Variants in CACNA2D1 observed in about 807,000 individuals in gnomAD.
The protein encoded by CACNA2D1 is calcium voltage-gated channel auxiliary subunit alpha2delta 1.
CACNA2D1 carries 53 observed loss-of-function variants against 171.5 expected under a neutral mutation model. That is an observed-to-expected ratio of 0.31 (90% CI 0.25 to 0.39). The LOEUF is 0.39. CACNA2D1 is among the 10% of genes least tolerant of loss of function. The pLI is 1.00. For missense variants in CACNA2D1, 903 were observed against 1,299.8 expected, an observed-to-expected ratio of 0.69 and a Z score of 4.69; for synonymous variants, 442 against 443.1, an observed-to-expected ratio of 1.00 and a Z score of 0.03.
chr7:82,179,217 T>TCTAAAATTTTAGAA (rs1796868465), intron 3 of CACNA2D1, among the ~76,000 whole-genome samples: 1 of 152,000 alleles, frequency 6.6e-6, no homozygotes, highest in Non-Finnish European at 1.5e-5. Context: ...GAATTTTAGA[T>TCTAAAATTTTAGAA]TCTAAAATTC....
At chr7:82,434,058 T>C (rs1829923567) in intron 1 of CACNA2D1, among the ~76,000 whole-genome samples, 1 of 152,164 alleles carries the variant, frequency 6.6e-6, no homozygotes, top group Non-Finnish European at 1.5e-5. Flanking sequence ...CTCGCAACCA[T>C]TCAACACCAT....
At chr7:82,311,852 T>C (rs1380457180) in intron 3 of CACNA2D1, among the ~76,000 whole-genome samples, 1 of 152,166 alleles carries the variant, frequency 6.6e-6, no homozygotes, top group Non-Finnish European at 1.5e-5. Context: ...GGAAAAAGAC[T>C]GGCCCAGGTA....
At chr7:82,144,510 G>T (rs1001685410) in intron 4 of CACNA2D1, among the ~76,000 whole-genome samples, 1 of 151,542 alleles carries the variant, frequency 6.6e-6, no homozygotes, top group Non-Finnish European at 1.5e-5. Context: ...AGAATTTGTG[G>T]AATAAAAACT....
intron 22 of CACNA2D1, 90 bp from the exon 23 acceptor site, chr7:81,983,424 A>T (rs1796640180): frequency 1.1e-6 from 1 of 938,220 alleles, no homozygotes; most frequent in Admixed American, 2.0e-5. Context: ...TTATTCAATG[A>T]CTTTCTTGAA....
At chr7:81,953,678 A>G (rs1792870149) in intron 38 of CACNA2D1, among the ~76,000 whole-genome samples, 1 of 152,194 alleles carries the variant, frequency 6.6e-6, no homozygotes, top group Admixed American at 6.5e-5. Context: ...TGGACTGGTT[A>G]GAAACACTAT....
intron 1 of CACNA2D1, among the ~76,000 whole-genome samples, chr7:82,426,113 A>G (rs112230975): frequency 3.8e-3 from 579 of 150,790 alleles, no homozygotes; most frequent in Non-Finnish European, 4.9e-3. Flanking sequence ...CCTGGGTGAC[A>G]GAGCGAGACT....
At position 82,443,461 on chromosome 7, in the gene CACNA2D1, T is replaced by C; in HGVS notation, c.-2A>G. On this transcript the variant is annotated 5_prime_UTR_variant, in exon 1 of 39. Coordinates refer to ENST00000356860, the MANE Select transcript of CACNA2D1 (RefSeq NM_000722.4). Reference sequence around the variant, plus strand: ...GGCCAGCAGGCAGCCAGCAGCCATCTTCGCGATCGAAGATCAATGCCCCCT... The same window carrying C: ...GGCCAGCAGGCAGCCAGCAGCCATCCTCGCGATCGAAGATCAATGCCCCCT... The C allele has an allele frequency of 1.2e-6, 2 of 1,607,288 alleles. No individual in the cohort carries two copies. Among genetic ancestry groups the C allele is most frequent in the Non-Finnish European group, 1.7e-6 (2 of 1,176,534 alleles).
chr7:82,190,898 TA>T (rs1798227025), intron 3 of CACNA2D1, among the ~76,000 whole-genome samples: 1 of 151,630 alleles, frequency 6.6e-6, no homozygotes, highest in South Asian at 2.1e-4. Context: ...ACATTTTTCT[TA>T]AAAGGGAGAG....
At chr7:82,412,739 A>G (rs1243651464) in intron 1 of CACNA2D1, among the ~76,000 whole-genome samples, 3 of 151,760 alleles carry the variant, frequency 2.0e-5, no homozygotes, top group Non-Finnish European at 4.4e-5. Context: ...CTGATCAGAA[A>G]ATCATCAATT....
rs187635770 is a variant in CACNA2D1 at position 82,224,133 on chromosome 7, C to T, written c.295-53524G>A. Reference sequence around the variant, plus strand: ...TTATTCACTACTATTTGCCCAAGATCGACAGCAGTGCCTGATACACTGTGA... The same window carrying T: ...TTATTCACTACTATTTGCCCAAGATTGACAGCAGTGCCTGATACACTGTGA... On this transcript the variant is annotated intron_variant, in intron 3 of 38. Transcript: ENST00000356860. Among the ~76,000 whole-genome samples, 7 of 152,138 alleles carry T rather than the reference C, an allele frequency of 4.6e-5. No homozygotes were observed. In the East Asian group the frequency reaches 1.4e-3, roughly 29 times the overall value.
chr7:82,030,907 C>A (rs1303051637), intron 12 of CACNA2D1, among the ~76,000 whole-genome samples: 11 of 151,814 alleles, frequency 7.2e-5, no homozygotes, highest in Non-Finnish European at 1.2e-4. Context: ...TAAGGAAATG[C>A]TAGATTATTT....
intron 3 of CACNA2D1, among the ~76,000 whole-genome samples, chr7:82,179,849 A>T (rs1437525524): frequency 6.6e-6 from 1 of 152,084 alleles, no homozygotes; most frequent in Non-Finnish European, 1.5e-5. Flanking sequence ...ACTAAGGGGG[A>T]GAAGTTAGAC....
intron 4 of CACNA2D1, among the ~76,000 whole-genome samples, chr7:82,163,587 G>A (rs56825040): frequency 0.094 from 14,317 of 152,006 alleles, 1,002 homozygotes; most frequent in African/African-American, 0.18. Flanking sequence ...TGAATGAGCC[G>A]TTTTCTTCAG....
chr7:81,983,403 T>C (rs1584285576), intron 22 of CACNA2D1, 69 bp from the exon 23 acceptor site: 5 of 1,129,794 alleles, frequency 4.4e-6, no homozygotes, highest in Non-Finnish European at 5.3e-6. Context: ...AAGGGGGTCA[T>C]AAACAATATT....
At chr7:82,317,593 G>A (rs1815276761) in intron 3 of CACNA2D1, among the ~76,000 whole-genome samples, 1 of 152,116 alleles carries the variant, frequency 6.6e-6, no homozygotes, top group Non-Finnish European at 1.5e-5. Flanking sequence ...GGTACCACTT[G>A]CTGCTTCTTA....
intron 3 of CACNA2D1, among the ~76,000 whole-genome samples, chr7:82,266,386 T>A (rs565423728): frequency 6.6e-6 from 1 of 152,288 alleles, no homozygotes; most frequent in African/African-American, 2.4e-5. Flanking sequence ...GCAGAAAATT[T>A]CATGAAAATG....
At chr7:82,353,033 G>C (rs1820034098) in intron 1 of CACNA2D1, among the ~76,000 whole-genome samples, 1 of 152,202 alleles carries the variant, frequency 6.6e-6, no homozygotes, top group Non-Finnish European at 1.5e-5. Context: ...AAAAGATCAT[G>C]TAAATGTATG....
intron 12 of CACNA2D1, among the ~76,000 whole-genome samples, chr7:82,015,485 T>C (rs186818261): frequency 3.3e-4 from 50 of 152,248 alleles, no homozygotes; most frequent in Admixed American, 3.2e-3. Context: ...TTGAAAGACA[T>C]TGAATTTAAA....
chr7:82,160,785 T>C (rs989769103), intron 4 of CACNA2D1, among the ~76,000 whole-genome samples: 10 of 152,088 alleles, frequency 6.6e-5, no homozygotes, highest in African/African-American at 1.7e-4. Flanking sequence ...TTCTACTATT[T>C]TATAAAATTG....
Sources: gnomAD v4.1 joint callset for allele counts (sites outside exome capture counted in the v4.1 genomes callset) on GRCh38, gnomAD v4.1.1 for gene constraint, MANE v1.5 for transcripts, NCBI Gene and HGNC (gene_info 2026-07-23, HGNC 2026-07-21) for gene names.